TNS1: variants seen among roughly 807,000 people sequenced by gnomAD.
TNS1 encodes the protein tensin 1, also known as tensin-1.
In TNS1, 62 loss-of-function variants were observed where a neutral mutation model predicts 168.6. The ratio of observed to expected loss-of-function variants is 0.37; its 90% CI spans 0.30 to 0.45. The LOEUF (loss-of-function observed/expected upper bound fraction) is 0.45. Ranked by LOEUF, TNS1 falls within the 20% of genes least tolerant of loss-of-function variation. The probability of loss-of-function intolerance (pLI) is 1.00; values close to 1 mark genes in which losing one functional copy is unlikely to be tolerated. For missense variants in TNS1, 2,240 were observed against 2,339.4 expected (o/e 0.96, Z 0.88); for synonymous variants, 934 against 933.2 (o/e 1.00, Z -0.02).
chr2:217,821,396 T>G (rs34572447), intron 23 of TNS1, among the ~76,000 whole-genome samples: 9,176 of 152,198 alleles, frequency 0.06, 306 homozygotes, highest in South Asian at 0.11. Flanking sequence ...GCCAGGTACC[T>G]AGGATGAGCC....
At chr2:217,919,473 T>A (rs1460587264) in intron 4 of TNS1, among the ~76,000 whole-genome samples, 2 of 152,164 alleles carry the variant, frequency 1.3e-5, no homozygotes, top group East Asian at 3.9e-4. Context: ...CCCCCTTCCT[T>A]CCCCAGCAGC....
chr2:217,861,027 T>C (rs1047308160), intron 18 of TNS1, among the ~76,000 whole-genome samples: 5 of 152,162 alleles, frequency 3.3e-5, no homozygotes, highest in Non-Finnish European at 5.9e-5. Context: ...GACTTTGAAT[T>C]TGAAAATGCT....
intron 24 of TNS1, among the ~76,000 whole-genome samples, chr2:217,815,822 G>A (rs2161968): frequency 0.26 from 39,607 of 151,884 alleles, 6,061 homozygotes; most frequent in East Asian, 0.45. Flanking sequence ...TTTTCCCCAG[G>A]CCTCTCCTCA....
At chr2:217,944,267 G>T (rs1340210684) in intron 3 of TNS1, 1 of 152,436 alleles carries the variant, frequency 6.6e-6, no homozygotes, top group African/African-American at 2.4e-5. Flanking sequence ...GACACCTGGG[G>T]CAGGAGATCA....
chr2:217,850,269 A>G, intron 18 of TNS1: 1 of 985,352 alleles, frequency 1.0e-6, no homozygotes, highest in Non-Finnish European at 1.2e-6. Flanking sequence ...GCCAGAGGGG[A>G]CACGCTTTTC....
At chr2:217,903,930 C>T (rs566393002) in intron 6 of TNS1, 1 of 371,606 alleles carries the variant, frequency 2.7e-6, no homozygotes, top group Non-Finnish European at 4.8e-6. Context: ...GTGGGAAGAG[C>T]CCTGCTTTCC....
rs776119921 is a variant in TNS1, at chr2:217,818,364, C to G, written c.3968G>C (p.Gly1323Ala). 2.0e-5 allele frequency: 33 copies of G among 1,614,062 alleles called. No homozygotes were observed. In the Admixed American group the frequency reaches 3.3e-4, roughly 16 times the overall value. The change falls in exon 24 of 33, where the codon GGT becomes GCT. Residue 1323 changes from glycine (G) to alanine (A), a missense_variant. By Grantham distance (60) the Gly-to-Ala change is moderately conservative (BLOSUM62 0). Coordinates refer to ENST00000682258, the MANE Select transcript of TNS1 (RefSeq NM_001387777.1). ...SPSLSHHQMM[G>A]PPGTGFHGST... ...ACCATGGAAGCCAGTGCCTGGTGGACCCATCATCTGGTGATGGCTCAAACT... is the reference window on the plus strand; with the variant it reads ...ACCATGGAAGCCAGTGCCTGGTGGAGCCATCATCTGGTGATGGCTCAAACT...
chr2:217,822,846 C>T (rs913242488), intron 22 of TNS1, among the ~76,000 whole-genome samples: 1 of 152,204 alleles, frequency 6.6e-6, no homozygotes, highest in Non-Finnish European at 1.5e-5. Flanking sequence ...AAACGAACTC[C>T]GCTTGAAAGA....
chr2:217,907,994 A>G (rs1357372413), intron 4 of TNS1, among the ~76,000 whole-genome samples: 1 of 152,104 alleles, frequency 6.6e-6, no homozygotes, highest in Non-Finnish European at 1.5e-5. Flanking sequence ...CTGAACTCCA[A>G]TCACCTCCCT....
At chr2:217,958,428 G>A (rs1957417615) in intron 3 of TNS1, among the ~76,000 whole-genome samples, 2 of 152,230 alleles carry the variant, frequency 1.3e-5, no homozygotes, top group South Asian at 4.1e-4. Context: ...GGCTACACGG[G>A]AGACATCGGT....
At chr2:217,907,745 C>A (rs1304212779) in intron 4 of TNS1, among the ~76,000 whole-genome samples, 1 of 152,224 alleles carries the variant, frequency 6.6e-6, no homozygotes, top group Non-Finnish European at 1.5e-5. Flanking sequence ...AATAGTGCAG[C>A]CAGCCAGTCT....
At chr2:217,861,324 C>T (rs1366215927) in intron 18 of TNS1, among the ~76,000 whole-genome samples, 2 of 152,144 alleles carry the variant, frequency 1.3e-5, no homozygotes, top group Non-Finnish European at 2.9e-5. Flanking sequence ...CTGAATCTCC[C>T]CTTTGACAGG....
At chr2:217,838,366 G>A (rs1559204976) in intron 19 of TNS1, among the ~76,000 whole-genome samples, 1 of 152,236 alleles carries the variant, frequency 6.6e-6, no homozygotes, top group Non-Finnish European at 1.5e-5. Flanking sequence ...GGGTGCAGGG[G>A]GCACCTGACA....
intron 1 of TNS1, among the ~76,000 whole-genome samples, chr2:217,997,705 G>T (rs1181043325): frequency 1.3e-5 from 2 of 152,190 alleles, no homozygotes; most frequent in Non-Finnish European, 2.9e-5. Flanking sequence ...CTGTTCAATG[G>T]ACCAATGACA....
intron 3 of TNS1, among the ~76,000 whole-genome samples, chr2:217,959,815 G>A (rs1269355268): frequency 6.6e-6 from 1 of 151,868 alleles, no homozygotes; most frequent in Non-Finnish European, 1.5e-5. Context: ...ACGCCTCTGT[G>A]GGTGGAGGGA....
intron 16 of TNS1, among the ~76,000 whole-genome samples, chr2:217,884,582 T>C (rs1202773420): frequency 6.6e-6 from 1 of 152,170 alleles, no homozygotes; most frequent in African/African-American, 2.4e-5. Context: ...CCCCTGCTAG[T>C]CTGCCTCCCA....
chr2:217,898,516 G>A lies in TNS1; in HGVS notation c.372-547C>T, dbSNP rs1213909129. On this transcript the variant is annotated intron_variant, in intron 7 of 32. Coordinates refer to ENST00000682258, the MANE Select transcript of TNS1 (RefSeq NM_001387777.1). ...GGGGAGGGGGCATCTCAGGTGACAC[G>A]TTCACCTGGGTTCCAGGTAAGCCAG... 5.3e-5 allele frequency among the ~76,000 whole-genome samples: 8 copies of A among 152,244 alleles called. No individual in the cohort carries two copies. The East Asian group carries it at 9.6e-4, about 18-fold the overall frequency.
At chr2:217,989,751 G>A (rs760104849) in intron 2 of TNS1, among the ~76,000 whole-genome samples, 19 of 152,122 alleles carry the variant, frequency 1.2e-4, no homozygotes, top group South Asian at 4.1e-4. Context: ...GGGCTGGGGC[G>A]TCCTTTCTTT....
intron 1 of TNS1, chr2:218,009,956 C>T (rs912500403): frequency 5.1e-6 from 2 of 391,760 alleles, no homozygotes; most frequent in South Asian, 2.9e-4. Flanking sequence ...GAGAACCAGG[C>T]TGACGATGGC....
Sources: gnomAD v4.1 joint callset for allele counts (sites outside exome capture counted in the v4.1 genomes callset) on GRCh38, gnomAD v4.1.1 for gene constraint, MANE v1.5 for transcripts, NCBI Gene and HGNC (gene_info 2026-07-23, HGNC 2026-07-21) for gene names.